Variants in PBX3 observed in about 807,000 individuals in gnomAD.
PBX3 encodes PBX homeobox 3.
PBX3 carries 14 observed loss-of-function variants against 48.5 expected under a neutral mutation model. That is an observed-to-expected ratio of 0.29 (90% confidence interval 0.19 to 0.45). The LOEUF (loss-of-function observed/expected upper bound fraction) is 0.45. Ranked by LOEUF, PBX3 falls within the 20% of genes least tolerant of loss-of-function variation. PBX3 has a pLI of 1.00. For synonymous variants in PBX3, 210 were observed against 200.3 expected (o/e 1.05, Z -0.41); for missense variants, 386 against 546.7 (o/e 0.71, Z 2.93).
chr9:125,763,003 G>A (rs1836709327), intron 2 of PBX3, among the ~76,000 whole-genome samples: 1 of 152,018 alleles, frequency 6.6e-6, no homozygotes, highest in South Asian at 2.1e-4. Context: ...ATACAATGTT[G>A]GTAATAAGCC....
At chr9:125,949,362 C>A (rs1236904342) in intron 5 of PBX3, 2 of 1,550,500 alleles carry the variant, frequency 1.3e-6, no homozygotes, top group Non-Finnish European at 1.7e-6. Context: ...CCTACATTTT[C>A]TTGCCGGGCA....
chr9:125,747,753 C>A, intron 1 of PBX3, 100 bp downstream of exon 1: 1 of 879,442 alleles, frequency 1.1e-6, no homozygotes, highest in Non-Finnish European at 1.6e-6. Context: ...GGCCGCAGCC[C>A]CCGGCGGGGA....
chr9:125,819,352 C>A (rs1204018415), intron 2 of PBX3, among the ~76,000 whole-genome samples: 1 of 151,592 alleles, frequency 6.6e-6, no homozygotes, highest in Admixed American at 6.6e-5. Context: ...CATGGAGAAA[C>A]CCTGACTCTA....
At chr9:125,782,343 C>T (rs1261721110) in intron 2 of PBX3, among the ~76,000 whole-genome samples, 1 of 152,130 alleles carries the variant, frequency 6.6e-6, no homozygotes, top group Non-Finnish European at 1.5e-5. Context: ...TACGTCCCAC[C>T]CCTCCCCTCC....
At chr9:125,902,413 G>T (rs553104702) in intron 2 of PBX3, among the ~76,000 whole-genome samples, 11 of 151,740 alleles carry the variant, frequency 7.2e-5, no homozygotes, top group Admixed American at 4.0e-4. Context: ...GTTGTCTTCA[G>T]CAGAGAGTAT....
At chr9:125,831,087 A>G (rs1475794837) in intron 2 of PBX3, among the ~76,000 whole-genome samples, 2 of 152,178 alleles carry the variant, frequency 1.3e-5, no homozygotes, top group Non-Finnish European at 2.9e-5. Flanking sequence ...TTTCCTGTAG[A>G]ATGCCCCAAT....
chr9:125,965,703 C>T, intron 8 of PBX3, 128 bp from the exon 9 acceptor site: 1 of 699,038 alleles, frequency 1.4e-6, no homozygotes, highest in Non-Finnish European at 2.6e-6. Context: ...CAACTCCTGC[C>T]ACAGTGGGTT....
chr9:125,784,329 A>C (rs1388113878), intron 2 of PBX3, among the ~76,000 whole-genome samples: 1 of 152,030 alleles, frequency 6.6e-6, no homozygotes, highest in Non-Finnish European at 1.5e-5. Context: ...GGGTTTCGCC[A>C]TGTTGGCCAG....
At chr9:125,809,424 G>A (rs985998960) in intron 2 of PBX3, among the ~76,000 whole-genome samples, 21 of 149,978 alleles carry the variant, frequency 1.4e-4, no homozygotes, top group Non-Finnish European at 1.5e-5. Flanking sequence ...CCATCTCAAT[G>A]CTGATTTTTT....
intron 2 of PBX3, among the ~76,000 whole-genome samples, chr9:125,891,540 C>A (rs1003719229): frequency 2.6e-5 from 4 of 152,190 alleles, no homozygotes; most frequent in African/African-American, 9.7e-5. Flanking sequence ...TGTGATGTTA[C>A]ACAAATAGAA....
Position 125,779,268 on chromosome 9 carries a change from TA to T in PBX3, c.274+30646del, listed in dbSNP as rs1235355637. On this transcript the variant is annotated intron_variant, in intron 2 of 8. Transcript: ENST00000373489. ...TCCTTTTTTTTTTTTTTTTAATTTTTATTTTTTTTATTGATCATTCTTGGGT... is the reference window on the plus strand; with the variant it reads ...TCCTTTTTTTTTTTTTTTTAATTTTTTTTTTTTTATTGATCATTCTTGGGT... Among the ~76,000 whole-genome samples the T allele has an allele frequency of 1.1e-4, 16 of 149,652 alleles. No individual in the cohort carries two copies. In the South Asian group the frequency reaches 2.6e-3, roughly 24 times the overall value.
rs36094728 is a variant in PBX3, at chr9:125,879,077, C to CTT, written c.275-36592_275-36591dup. Among the ~76,000 whole-genome samples, 598 of 124,590 alleles carry CTT rather than the reference C, an allele frequency of 4.8e-3. 8 individuals are homozygous for CTT. Among genetic ancestry groups the CTT allele is most frequent in the South Asian group, 0.011 (43 of 3,904 alleles). The allele number at this position is 124,590 out of a possible 152,430, so 81.7% of individuals were successfully genotyped here. On this transcript the variant is annotated intron_variant, in intron 2 of 8. Transcript: ENST00000373489. ...GTTGCTTTTACAAAGACATGCTATT[C>CTT]TTTTTTTTTTTTTTTTTTGAGATGG...
intron 4 of PBX3, among the ~76,000 whole-genome samples, chr9:125,932,392 A>G (rs1478385571): frequency 6.6e-6 from 1 of 152,180 alleles, no homozygotes; most frequent in African/African-American, 2.4e-5. Flanking sequence ...GTAGTTTTTC[A>G]TGAACATTTC....
At chr9:125,910,487 C>G (rs750269262) in intron 2 of PBX3, among the ~76,000 whole-genome samples, 1 of 151,782 alleles carries the variant, frequency 6.6e-6, no homozygotes, top group Admixed American at 6.6e-5. Context: ...TTGTAAATTC[C>G]CAGTGCTGCA....
chr9:125,790,774 C>T (rs1013405290), intron 2 of PBX3, among the ~76,000 whole-genome samples: 1 of 151,808 alleles, frequency 6.6e-6, no homozygotes, highest in Non-Finnish European at 1.5e-5. Context: ...ACTATGTTGC[C>T]CGGACTGGTC....
At chr9:125,806,036 T>G (rs949023252) in intron 2 of PBX3, among the ~76,000 whole-genome samples, 3 of 152,220 alleles carry the variant, frequency 2.0e-5, no homozygotes, top group Non-Finnish European at 4.4e-5. Context: ...AAATGTATGA[T>G]AACTGCTTGG....
intron 4 of PBX3, among the ~76,000 whole-genome samples, chr9:125,934,275 A>G (rs1841786126): frequency 1.3e-5 from 2 of 152,162 alleles, no homozygotes; most frequent in South Asian, 4.1e-4. Context: ...GAATGACACC[A>G]TTTTGACTAG....
chr9:125,785,823 C>T (rs1358494621), intron 2 of PBX3, among the ~76,000 whole-genome samples: 1 of 152,162 alleles, frequency 6.6e-6, no homozygotes, highest in Non-Finnish European at 1.5e-5. Context: ...GGACCAGTAT[C>T]CCACAGTGGA....
chr9:125,828,495 C>T (rs1019195257), intron 2 of PBX3, among the ~76,000 whole-genome samples: 3 of 152,104 alleles, frequency 2.0e-5, no homozygotes, highest in African/African-American at 7.2e-5. Flanking sequence ...CCAATTAGAA[C>T]TGGTAATACA....
Sources: allele counts gnomAD v4.1 joint callset (sites outside exome capture counted in the v4.1 genomes callset), GRCh38; gene constraint gnomAD v4.1.1; transcripts MANE v1.5; gene names NCBI Gene and HGNC (gene_info 2026-07-23, HGNC 2026-07-21).